Variants in SDK1 observed in about 807,000 individuals in gnomAD.
SDK1 encodes sidekick cell adhesion molecule 1.
In SDK1, 157 loss-of-function variants were observed where a neutral mutation model predicts 245.5. The observed-to-expected ratio is 0.64, with a 90% CI of 0.56 to 0.73. The LOEUF (loss-of-function observed/expected upper bound fraction) is 0.73, where lower values mean the gene tolerates loss of function less well. Among genes scored for constraint, SDK1 ranks in the 30% least tolerant of loss-of-function variants. The probability of loss-of-function intolerance (pLI) is 0.00; values close to 1 mark genes in which losing one functional copy is unlikely to be tolerated. For synonymous variants in SDK1, 1,647 were observed against 1,278.5 expected (o/e 1.29, Z -6.15); for missense variants, 3,583 against 3,002.3 (o/e 1.19, Z -4.52).
At position 4,048,158 on chromosome 7, in the gene SDK1, C is replaced by T. The variant is rs578225892; in HGVS notation, c.2603-1190C>T. Among the ~76,000 whole-genome samples, 10 of 152,262 alleles carry T rather than the reference C, an allele frequency of 6.6e-5. No homozygotes were observed. The East Asian group carries it at 9.7e-4, about 15-fold the overall frequency. ...TTTTCACCAGGACCACATGGGATCCCGTGTGTTCCGGCCGAGAAGACCCTT... is the reference window on the plus strand; with the variant it reads ...TTTTCACCAGGACCACATGGGATCCTGTGTGTTCCGGCCGAGAAGACCCTT... On this transcript the variant is annotated intron_variant, in intron 17 of 44. Transcript: ENST00000404826.
At chr7:3,852,745 C>T (rs539259395) in intron 5 of SDK1, among the ~76,000 whole-genome samples, 130 of 107,444 alleles carry the variant, frequency 1.2e-3, no homozygotes, top group African/African-American at 4.5e-3. Flanking sequence ...AGCAAGACTC[C>T]GTCTCAAAAA....
At chr7:3,927,314 C>T (rs1165077351) in intron 5 of SDK1, among the ~76,000 whole-genome samples, 2 of 152,008 alleles carry the variant, frequency 1.3e-5, no homozygotes, top group Non-Finnish European at 2.9e-5. Context: ...AATGTTGGGC[C>T]CTTTAGTTTC....
chr7:3,951,933 C>T lies in SDK1; in HGVS notation c.1150+13C>T, dbSNP rs1204694446. Reference sequence around the variant, plus strand: ...CTTTTCATCATAGGTAATGCGGGAGCCTCTAAGTGGTGTTGCCAGCATCTC... The same window carrying T: ...CTTTTCATCATAGGTAATGCGGGAGTCTCTAAGTGGTGTTGCCAGCATCTC... On this transcript the variant is annotated intron_variant, in intron 7 of 44. Coordinates refer to ENST00000404826, the MANE Select transcript of SDK1 (RefSeq NM_152744.4). The T allele has an allele frequency of 6.2e-7, 1 of 1,607,546 alleles. No individual in the cohort carries two copies. The highest frequency in any genetic ancestry group is 1.1e-5 in the South Asian group (1 of 90,340).
At chr7:4,215,168 A>G (rs920048830) in intron 38 of SDK1, among the ~76,000 whole-genome samples, 5 of 152,222 alleles carry the variant, frequency 3.3e-5, no homozygotes, top group African/African-American at 1.2e-4. Flanking sequence ...CACATACGTC[A>G]AAAGAAGAAC....
chr7:4,193,746 A>G (rs1166065675), intron 35 of SDK1, among the ~76,000 whole-genome samples: 1 of 152,222 alleles, frequency 6.6e-6, no homozygotes, highest in East Asian at 1.9e-4. Context: ...ACTCAAGGCA[A>G]TCTTAGCAGA....
intron 22 of SDK1, among the ~76,000 whole-genome samples, chr7:4,089,866 C>G (rs1781677302): frequency 6.6e-6 from 1 of 152,252 alleles, no homozygotes; most frequent in South Asian, 2.1e-4. Context: ...CCCCAAAAGC[C>G]CTCGGTAACA....
intron 34 of SDK1, among the ~76,000 whole-genome samples, chr7:4,177,912 A>C (rs866608072): frequency 2.0e-4 from 31 of 152,276 alleles, no homozygotes; most frequent in African/African-American, 7.2e-4. Flanking sequence ...TTAGATTCTC[A>C]TAAGAGTGCA....
intron 18 of SDK1, 68 bp from the exon 19 acceptor site, chr7:4,051,570 G>A: frequency 7.6e-7 from 1 of 1,322,344 alleles, no homozygotes; most frequent in Non-Finnish European, 1.0e-6. Flanking sequence ...ATAAAATTCT[G>A]CTGCAGACAT....
chr7:3,414,329 C>T (rs899238810), intron 1 of SDK1, among the ~76,000 whole-genome samples: 1 of 152,104 alleles, frequency 6.6e-6, no homozygotes, highest in African/African-American at 2.4e-5. Context: ...GCCCAGCCCA[C>T]GGAGGAGGAG....
chr7:4,111,023 A>C (rs574975474), intron 23 of SDK1, among the ~76,000 whole-genome samples: 1 of 152,210 alleles, frequency 6.6e-6, no homozygotes, highest in East Asian at 1.9e-4. Flanking sequence ...ACCCCATAGA[A>C]ATGGCCCACT....
At chr7:4,257,669 C>G (rs928980874) in intron 44 of SDK1, among the ~76,000 whole-genome samples, 1 of 152,130 alleles carries the variant, frequency 6.6e-6, no homozygotes, top group East Asian at 1.9e-4. Context: ...AAGGAAAAGC[C>G]TCTTGGAGCC....
At chr7:3,880,543 CTTTTTTTTT>C (rs5882008) in intron 5 of SDK1, among the ~76,000 whole-genome samples, 3 of 92,006 alleles carry the variant, frequency 3.3e-5, no homozygotes, top group East Asian at 7.9e-4. Flanking sequence ...ATGCCCTGGT[CTTTTTTTTT>C]TTTTTTTTTT....
intron 4 of SDK1, among the ~76,000 whole-genome samples, chr7:3,798,505 CTG>C (rs1779024150): frequency 6.6e-6 from 1 of 152,146 alleles, no homozygotes; most frequent in African/African-American, 2.4e-5. Context: ...GTGTGAACCA[CTG>C]CACCCAGCCA....
At chr7:3,607,811 CGTAG>C (rs1176087836) in intron 1 of SDK1, among the ~76,000 whole-genome samples, 1 of 152,202 alleles carries the variant, frequency 6.6e-6, no homozygotes, top group Non-Finnish European at 1.5e-5. Context: ...GGAACTAACA[CGTAG>C]ATTGTGCTTT....
At chr7:3,711,531 G>T (rs1785051860) in intron 4 of SDK1, among the ~76,000 whole-genome samples, 1 of 152,202 alleles carries the variant, frequency 6.6e-6, no homozygotes, top group African/African-American at 2.4e-5. Context: ...CTCTAGGGAG[G>T]TGACATTTGC....
intron 4 of SDK1, among the ~76,000 whole-genome samples, chr7:3,761,838 T>C (rs1780114864): frequency 6.6e-6 from 1 of 152,192 alleles, no homozygotes; most frequent in African/African-American, 2.4e-5. Context: ...AAAGCAAGTA[T>C]GAAGCCTTTG....
intron 1 of SDK1, among the ~76,000 whole-genome samples, chr7:3,587,110 AG>A (rs779381220): frequency 2.6e-5 from 4 of 152,168 alleles, no homozygotes; most frequent in Non-Finnish European, 4.4e-5. Context: ...CTTTGTTGAA[AG>A]GGTCCAGAAA....
intron 1 of SDK1, among the ~76,000 whole-genome samples, chr7:3,491,136 C>A (rs1041027898): frequency 6.6e-6 from 1 of 152,190 alleles, no homozygotes; most frequent in Non-Finnish European, 1.5e-5. Context: ...AGTAGAAGTT[C>A]AAGCATATGC....
intron 4 of SDK1, among the ~76,000 whole-genome samples, chr7:3,726,089 C>T (rs1779000411): frequency 6.6e-6 from 1 of 152,220 alleles, no homozygotes; most frequent in Admixed American, 6.5e-5. Flanking sequence ...TCCTCACAGC[C>T]TCCCAGTGAA....
Sources: gnomAD v4.1 joint callset for allele counts (sites outside exome capture counted in the v4.1 genomes callset) on GRCh38, gnomAD v4.1.1 for gene constraint, MANE v1.5 for transcripts, NCBI Gene and HGNC (gene_info 2026-07-23, HGNC 2026-07-21) for gene names.